THRB: variants seen among roughly 807,000 people sequenced by gnomAD.
THRB encodes nuclear receptor subfamily 1 group A member 2.
A neutral mutation model predicts 47.8 loss-of-function variants in THRB; 12 were observed. That is an observed-to-expected ratio of 0.25 (90% CI 0.16 to 0.41). The LOEUF is 0.41. THRB is among the 10% of genes least tolerant of loss of function. THRB has a pLI of 1.00. For missense variants in THRB, 348 were observed against 589.2 expected, an observed-to-expected ratio of 0.59 and a Z score of 4.24; for synonymous variants, 218 against 212.2, an observed-to-expected ratio of 1.03 and a Z score of -0.24.
chr3:24,340,802 AAT>A (rs2149454412), intron 1 of THRB, among the ~76,000 whole-genome samples: 1 of 152,350 alleles, frequency 6.6e-6, no homozygotes, highest in African/African-American at 2.4e-5. Context: ...TATCTTTGCT[AAT>A]ATGTTATTAA....
chr3:24,468,418 A>C (rs1187885352), intron 1 of THRB, among the ~76,000 whole-genome samples: 3 of 152,166 alleles, frequency 2.0e-5, no homozygotes, highest in Non-Finnish European at 4.4e-5. Context: ...CTTTTGACCT[A>C]TTTCAGCTTT....
intron 4 of THRB, among the ~76,000 whole-genome samples, chr3:24,228,502 C>T (rs567402507): frequency 1.9e-4 from 29 of 151,812 alleles, no homozygotes; most frequent in African/African-American, 7.0e-4. Flanking sequence ...GGTGCAGTGG[C>T]CTACTGTAAA....
At chr3:24,296,479 T>G (rs909058200) in intron 3 of THRB, among the ~76,000 whole-genome samples, 2 of 152,252 alleles carry the variant, frequency 1.3e-5, no homozygotes, top group Admixed American at 1.3e-4. Context: ...ACCCCTACTA[T>G]GTGCCAAGGC....
At chr3:24,474,891 A>T (rs1472753298) in intron 1 of THRB, among the ~76,000 whole-genome samples, 3 of 152,224 alleles carry the variant, frequency 2.0e-5, no homozygotes, top group African/African-American at 7.2e-5. Flanking sequence ...CTAATTGAAA[A>T]GTATATATGA....
At chr3:24,152,956 C>T (rs1260438664) in intron 5 of THRB, among the ~76,000 whole-genome samples, 1 of 89,970 alleles carries the variant, frequency 1.1e-5, no homozygotes, top group Non-Finnish European at 2.1e-5. Flanking sequence ...GAGCGAAATT[C>T]TGCCAAAAAA....
rs116668208 is a variant in THRB at position 24,204,823 on chromosome 3, G to A, written c.23-14489C>T. Among the ~76,000 whole-genome samples, 1,459 of 152,214 alleles carry A rather than the reference G, an allele frequency of 9.6e-3. 20 individuals carry two copies. The highest frequency in any genetic ancestry group is 0.029 in the African/African-American group (1,201 of 41,530). ...AAGTCCTTAAATGACCCGATGGAGC[G>A]GAAAACCATGGCGCAAGAACTACGT... On this transcript the variant is annotated intron_variant, in intron 4 of 10. Coordinates refer to ENST00000646209, the MANE Select transcript of THRB (RefSeq NM_001354712.2).
rs200807851 is a variant in THRB at position 24,431,263 on chromosome 3, C to CTCTCTCT, written c.-261+63388_-261+63389insAGAGAGA. Among the ~76,000 whole-genome samples the CTCTCTCT allele has an allele frequency of 1.7e-3, 71 of 41,034 alleles. No individual in the cohort carries two copies. In the East Asian group the frequency reaches 0.018, roughly 10 times the overall value. 26.9% of individuals were successfully genotyped at this position (41,034 alleles called of 152,430 possible). ...ATCAGTCTCTCTCTCTCTCTCTCTA[C>CTCTCTCT]ACACACACACACACACACACACACA... On this transcript the variant is annotated intron_variant, in intron 1 of 10. Transcript: ENST00000646209.
chr3:24,196,236 C>T (rs960502749), intron 4 of THRB, among the ~76,000 whole-genome samples: 1 of 152,124 alleles, frequency 6.6e-6, no homozygotes, highest in Admixed American at 6.5e-5. Context: ...CTTCTGGTTG[C>T]CAAGGACTGT....
intron 10 of THRB, among the ~76,000 whole-genome samples, chr3:24,124,157 A>G (rs993548976): frequency 6.6e-6 from 1 of 152,208 alleles, no homozygotes; most frequent in African/African-American, 2.4e-5. Context: ...GAATCGAAAC[A>G]GGGTTCTGCT....
chr3:24,180,910 G>A (rs1195352512), intron 5 of THRB, among the ~76,000 whole-genome samples: 1 of 152,176 alleles, frequency 6.6e-6, no homozygotes, highest in Non-Finnish European at 1.5e-5. Context: ...AAGCCTCCCT[G>A]CCCTGGAGAG....
chr3:24,489,181 G>C (rs1407488301), intron 1 of THRB, among the ~76,000 whole-genome samples: 5 of 151,888 alleles, frequency 3.3e-5, no homozygotes, highest in Non-Finnish European at 7.4e-5. Flanking sequence ...GGTGGAGGTT[G>C]CAGTGAGCCG....
chr3:24,211,612 A>T (rs2046034523), intron 4 of THRB, among the ~76,000 whole-genome samples: 2 of 152,198 alleles, frequency 1.3e-5, no homozygotes, highest in Non-Finnish European at 2.9e-5. Context: ...AAAAATAATG[A>T]GCAGTGGGGA....
At chr3:24,487,462 C>T (rs1402478100) in intron 1 of THRB, among the ~76,000 whole-genome samples, 1 of 152,050 alleles carries the variant, frequency 6.6e-6, no homozygotes, top group Non-Finnish European at 1.5e-5. Context: ...GCTCTGGAAA[C>T]TTTTACAAGT....
intron 3 of THRB, among the ~76,000 whole-genome samples, chr3:24,292,625 A>G (rs547477041): frequency 2.6e-5 from 4 of 152,216 alleles, no homozygotes; most frequent in Admixed American, 2.6e-4. Context: ...CTCATTAATG[A>G]CTTCCTGGTT....
Position 24,121,360 on chromosome 3 carries a change from A to C in THRB, c.*1524T>G, listed in dbSNP as rs1303296355. ...TAGTGACTTTCCTTCCTTTGTTTTT[A>C]GGTAAATCTCACTGATATGGCTTAT... On this transcript the variant is annotated 3_prime_UTR_variant, in exon 11 of 11. Coordinates refer to ENST00000646209, the MANE Select transcript of THRB (RefSeq NM_001354712.2). The C allele has an allele frequency of 2.0e-5, 3 of 152,642 alleles. No homozygotes were observed. Among genetic ancestry groups the C allele is most frequent in the Non-Finnish European group, 2.9e-5 (2 of 68,048 alleles). The allele number at this position is 152,642 out of a possible 1,614,324, so 9.5% of individuals were successfully genotyped here.
intron 5 of THRB, among the ~76,000 whole-genome samples, chr3:24,173,335 G>A (rs2040693175): frequency 6.6e-6 from 1 of 152,168 alleles, no homozygotes; most frequent in Admixed American, 6.5e-5. Context: ...CCTGGCAGGT[G>A]TATTGACTTT....
At chr3:24,480,651 T>C (rs1046667934) in intron 1 of THRB, among the ~76,000 whole-genome samples, 6 of 152,118 alleles carry the variant, frequency 3.9e-5, no homozygotes, top group Non-Finnish European at 7.4e-5. Flanking sequence ...ATGGTTCAAA[T>C]GAAACTTGAA....
At chr3:24,407,437 A>G (rs1445924615) in intron 1 of THRB, among the ~76,000 whole-genome samples, 1 of 151,790 alleles carries the variant, frequency 6.6e-6, no homozygotes, top group Non-Finnish European at 1.5e-5. Flanking sequence ...ATAATACCAG[A>G]CCTACCAGCT....
intron 1 of THRB, among the ~76,000 whole-genome samples, chr3:24,345,436 T>C (rs1450661477): frequency 1.3e-5 from 2 of 152,126 alleles, no homozygotes; most frequent in South Asian, 2.1e-4. Flanking sequence ...GTTCTTTTGA[T>C]TGAGTGGACA....
Sources: allele counts gnomAD v4.1 joint callset (sites outside exome capture counted in the v4.1 genomes callset), GRCh38; gene constraint gnomAD v4.1.1; transcripts MANE v1.5; gene names NCBI Gene and HGNC (gene_info 2026-07-23, HGNC 2026-07-21).